Variants in WDSUB1 observed in about 807,000 individuals in gnomAD.
WDSUB1 encodes WD repeat, sterile alpha motif and U-box domain containing 1, also known as WD repeat, SAM and U-box domain-containing protein 1.
In WDSUB1, 49 loss-of-function variants were observed where a neutral mutation model predicts 53.9. That is an observed-to-expected ratio of 0.91 (90% CI 0.72 to 1.15). WDSUB1 has a LOEUF of 1.15. Ranked by LOEUF, WDSUB1 falls within the 50% of genes most tolerant of loss-of-function variation. WDSUB1 has a pLI of 0.00. For missense variants in WDSUB1, 514 were observed against 562.0 expected, an observed-to-expected ratio of 0.91 and a Z score of 0.86; for synonymous variants, 194 against 200.6, an observed-to-expected ratio of 0.97 and a Z score of 0.28.
intron 10 of WDSUB1, among the ~76,000 whole-genome samples, chr2:159,242,982 G>A (rs1185939682): frequency 6.8e-6 from 1 of 147,798 alleles, no homozygotes; most frequent in Non-Finnish European, 1.5e-5. Flanking sequence ...AATGTAGGTG[G>A]GAAAAGGAAA....
Position 159,236,030 on chromosome 2 carries a change from ATTTTAC to A in WDSUB1, c.1428_*2del. ...AAATATAAATAATACAATATCAACA[ATTTTAC>A]TTTTGGTGTGTCTCCAGCCATCTAT... On this transcript the variant is annotated stop_lost and 3_prime_UTR_variant, in exon 11 of 11. Coordinates refer to ENST00000359774, the MANE Select transcript of WDSUB1 (RefSeq NM_001128212.3). 2.5e-6 allele frequency: 4 copies of A among 1,589,806 alleles called. No individual in the cohort carries two copies. The highest frequency in any genetic ancestry group is 3.4e-6 in the Non-Finnish European group (4 of 1,172,380).
At chr2:159,277,038 T>C (rs1180091266) in intron 3 of WDSUB1, among the ~76,000 whole-genome samples, 1 of 152,202 alleles carries the variant, frequency 6.6e-6, no homozygotes, top group Non-Finnish European at 1.5e-5. Context: ...CTTAAGATTG[T>C]ACTCTGGCTT....
At chr2:159,250,033 G>A (rs1575443664) in intron 9 of WDSUB1, among the ~76,000 whole-genome samples, 1 of 150,054 alleles carries the variant, frequency 6.7e-6, no homozygotes, top group East Asian at 1.9e-4. Flanking sequence ...AGGTTGCAGT[G>A]AGCTGAGATG....
intron 10 of WDSUB1, among the ~76,000 whole-genome samples, chr2:159,243,642 G>A: frequency 7.7e-6 from 1 of 129,296 alleles, no homozygotes; most frequent in Non-Finnish European, 1.5e-5. Context: ...TAAAATCAAA[G>A]ACATAGACAA....
chr2:159,251,293 T>C (rs1478822212), intron 9 of WDSUB1, among the ~76,000 whole-genome samples: 1 of 151,424 alleles, frequency 6.6e-6, no homozygotes, highest in Non-Finnish European at 1.5e-5. Context: ...AAGAAAAAAA[T>C]ATAGGAGCAA....
At chr2:159,251,769 T>C (rs1294803172) in intron 9 of WDSUB1, among the ~76,000 whole-genome samples, 1 of 152,154 alleles carries the variant, frequency 6.6e-6, no homozygotes, top group Admixed American at 6.5e-5. Context: ...TAGACACTAA[T>C]AACCATCAAA....
chr2:159,238,241 T>C (rs1038237811), intron 10 of WDSUB1, among the ~76,000 whole-genome samples: 9 of 152,114 alleles, frequency 5.9e-5, no homozygotes, highest in African/African-American at 1.9e-4. Context: ...AATTTCTCCC[T>C]TGATTCCCAG....
chr2:159,278,301 A>G (rs767047847), intron 3 of WDSUB1, among the ~76,000 whole-genome samples: 7 of 152,208 alleles, frequency 4.6e-5, no homozygotes, highest in Non-Finnish European at 8.8e-5. Flanking sequence ...TTAACGTAAG[A>G]ATGGGTTTAT....
chr2:159,244,033 G>A (rs1466170415), intron 10 of WDSUB1, among the ~76,000 whole-genome samples: 1 of 151,926 alleles, frequency 6.6e-6, no homozygotes, highest in African/African-American at 2.4e-5. Context: ...TAGTCTAAAG[G>A]AGGAAAAAAA....
At chr2:159,282,592 A>C in intron 2 of WDSUB1, 80 bp downstream of exon 2, 1 of 1,475,854 alleles carries the variant, frequency 6.8e-7, no homozygotes, top group Non-Finnish European at 9.2e-7. Context: ...TGTGCAGAGT[A>C]TCAAAATATT....
intron 5 of WDSUB1, among the ~76,000 whole-genome samples, chr2:159,265,253 G>A (rs1286638372): frequency 2.0e-5 from 3 of 151,428 alleles, no homozygotes; most frequent in African/African-American, 7.3e-5. Context: ...TCCAGCCTGG[G>A]TAATGGAGTG....
Position 159,259,800 on chromosome 2 carries a change from A to G in WDSUB1, c.804+10T>C, listed in dbSNP as rs759473217. On this transcript the variant is annotated intron_variant, in intron 6 of 10. Coordinates refer to ENST00000359774, the MANE Select transcript of WDSUB1 (RefSeq NM_001128212.3). ...TTTCATAGATCACCACAAGATTTTT[A>G]AATACTTACAGTATCATATACTATG... 14 of 1,520,586 alleles carry G rather than the reference A, an allele frequency of 9.2e-6. No homozygotes were observed. In the South Asian group the frequency reaches 1.6e-4, roughly 17 times the overall value. The allele number at this position is 1,520,586 out of a possible 1,614,324, so 94.2% of individuals were successfully genotyped here.
chr2:159,284,289 T>C (rs995814380), intron 1 of WDSUB1, among the ~76,000 whole-genome samples: 49 of 152,380 alleles, frequency 3.2e-4, no homozygotes, highest in African/African-American at 1.1e-3. Context: ...TGATTTGATG[T>C]TGAGCTTTCA....
At position 159,269,063 on chromosome 2, in the gene WDSUB1, T is replaced by G. The variant is rs1285897280; in HGVS notation, c.770+2639A>C. ...ACAGTGAGGTGTAATGTGCCTTTAA[T>G]TGGAATCCCAGAATTAGAGGACAGA... On this transcript the variant is annotated intron_variant, in intron 5 of 10. Coordinates refer to ENST00000359774, the MANE Select transcript of WDSUB1 (RefSeq NM_001128212.3). Among the ~76,000 whole-genome samples, 5 of 152,124 alleles carry G rather than the reference T, an allele frequency of 3.3e-5. No homozygotes were observed. The East Asian group carries it at 9.6e-4, about 29-fold the overall frequency.
At chr2:159,285,582 T>A (rs897751792) in intron 1 of WDSUB1, among the ~76,000 whole-genome samples, 5 of 152,096 alleles carry the variant, frequency 3.3e-5, no homozygotes, top group Admixed American at 6.5e-5. Flanking sequence ...GGCGAGCACC[T>A]GTAGTCCCAG....
rs145643742 is a variant in WDSUB1, at chr2:159,271,719, C to T, written c.753G>A (p.Gly251=). ...TAGCTTACCCTGAGACTAGCATCTG[C>T]CCATCATGGGAAAAAGCACAAGCCA... ...PVLACAFSHD[G]QMLVSGSVDK... Residue 251 remains glycine (G), a synonymous_variant, in exon 5 of 11, where the codon GGG becomes GGA. Transcript: ENST00000359774. 1.5e-4 allele frequency: 243 copies of T among 1,613,886 alleles called. No homozygotes were observed. Among genetic ancestry groups the T allele is most frequent in the Non-Finnish European group, 1.9e-4 (220 of 1,179,938 alleles).
chr2:159,246,435 A>AC (rs1445446319), intron 10 of WDSUB1, among the ~76,000 whole-genome samples: 2 of 151,284 alleles, frequency 1.3e-5, no homozygotes, highest in South Asian at 2.1e-4. Flanking sequence ...CTGTCTCAAA[A>AC]AAAAAAAAAA....
chr2:159,236,225 A>G (rs1030773279), intron 10 of WDSUB1, 35 bp from the exon 11 acceptor site: 2 of 1,577,304 alleles, frequency 1.3e-6, no homozygotes, highest in African/African-American at 1.4e-5. Context: ...TACATGATGT[A>G]GGAAAGGGAA....
At chr2:159,258,082 T>C in intron 6 of WDSUB1, 97 bp from the exon 7 acceptor site, 1 of 1,020,808 alleles carries the variant, frequency 9.8e-7, no homozygotes. Context: ...ACTAAGTGGA[T>C]ATATTAATAT....
Sources: allele counts gnomAD v4.1 joint callset (sites outside exome capture counted in the v4.1 genomes callset), GRCh38; gene constraint gnomAD v4.1.1; transcripts MANE v1.5; gene names NCBI Gene and HGNC (gene_info 2026-07-23, HGNC 2026-07-21).